The following TRIO variants were observed in gnomAD, a reference collection of about 807,000 sequenced individuals.
TRIO encodes triple functional domain protein.
A neutral mutation model predicts 351.9 loss-of-function variants in TRIO; 58 were observed. The observed-to-expected ratio is 0.16, with a 90% CI of 0.13 to 0.21. TRIO has a LOEUF of 0.21. TRIO is among the 10% of genes least tolerant of loss of function. The pLI is 1.00. For synonymous variants in TRIO, 1,758 were observed against 1,595.7 expected, an observed-to-expected ratio of 1.10 and a Z score of -2.42; for missense variants, 3,201 against 4,027.8, an observed-to-expected ratio of 0.79 and a Z score of 5.56.
intron 15 of TRIO, among the ~76,000 whole-genome samples, chr5:14,366,034 T>A (rs1744564565): frequency 6.6e-6 from 1 of 152,188 alleles, no homozygotes; most frequent in South Asian, 2.1e-4. Context: ...AGTGGTTTTA[T>A]TGTTTAAGCC....
At chr5:14,199,210 A>AAAC (rs1181840697) in intron 1 of TRIO, among the ~76,000 whole-genome samples, 1 of 151,028 alleles carries the variant, frequency 6.6e-6, no homozygotes, top group South Asian at 2.1e-4. Context: ...AAAAAAAAAA[A>AAAC]AAAAAAAAAC....
intron 2 of TRIO, among the ~76,000 whole-genome samples, chr5:14,272,735 T>C (rs565891901): frequency 9.2e-5 from 14 of 152,326 alleles, no homozygotes; most frequent in African/African-American, 3.4e-4. Context: ...TTTACAGTAT[T>C]CCTAATTTAT....
rs780213298 is a variant in TRIO, at chr5:14,488,081, T to C, written c.7453T>C (p.Phe2485Leu). Residue 2485 changes from phenylalanine to leucine, a missense_variant, in exon 48 of 57, where the codon TTC becomes CTC. By Grantham distance (22) the Phe-to-Leu change is conservative (BLOSUM62 0). Around this residue, in one of 19 missense-constraint regions of TRIO, gnomAD observed 1,089 missense variants for 954.9 expected, o/e 1.14. Transcript: ENST00000344204. ...PSSPLQKGGS[F>L]WSSIPASPAS... ...CAGCCCCCTGCAGAAGGGGGGCTCC[T>C]TCTGGAGCTCCATCCCCGCCTCCCC... 117 of 1,609,610 alleles carry C rather than the reference T, an allele frequency of 7.3e-5. No individual in the cohort carries two copies. Among genetic ancestry groups the C allele is most frequent in the Middle Eastern group, 3.3e-4 (2 of 5,976 alleles).
intron 11 of TRIO, among the ~76,000 whole-genome samples, chr5:14,355,999 T>A (rs1454673507): frequency 1.3e-5 from 2 of 152,230 alleles, no homozygotes; most frequent in Non-Finnish European, 2.9e-5. Context: ...ATTTGATAAC[T>A]TAGACACAAA....
intron 1 of TRIO, among the ~76,000 whole-genome samples, chr5:14,263,739 A>C (rs1278526769): frequency 6.6e-6 from 1 of 152,186 alleles, no homozygotes; most frequent in East Asian, 1.9e-4. Context: ...CTATATGTGC[A>C]TGTATGTGTG....
At chr5:14,155,065 T>C (rs1305430985) in intron 1 of TRIO, among the ~76,000 whole-genome samples, 1 of 152,184 alleles carries the variant, frequency 6.6e-6, no homozygotes, top group Non-Finnish European at 1.5e-5. Flanking sequence ...TGTGTAGTTT[T>C]TGGTCATTTA....
chr5:14,223,620 G>A (rs913968998), intron 1 of TRIO, among the ~76,000 whole-genome samples: 2 of 152,152 alleles, frequency 1.3e-5, no homozygotes, highest in Admixed American at 6.5e-5. Flanking sequence ...TGTGTAGGTG[G>A]GAAGCCACAT....
At chr5:14,334,741 T>C (rs1009385606) in intron 10 of TRIO, among the ~76,000 whole-genome samples, 1 of 152,214 alleles carries the variant, frequency 6.6e-6, no homozygotes, top group Non-Finnish European at 1.5e-5. Context: ...GAGGTGACGC[T>C]CAGCTGGGGG....
chr5:14,483,145 C>T (rs1467654379), intron 46 of TRIO, among the ~76,000 whole-genome samples: 2 of 152,210 alleles, frequency 1.3e-5, no homozygotes, highest in East Asian at 1.9e-4. Flanking sequence ...TTCTCTTCCT[C>T]CACTCACCAA....
chr5:14,333,806 C>T (rs890919699), intron 10 of TRIO, among the ~76,000 whole-genome samples: 1 of 152,134 alleles, frequency 6.6e-6, no homozygotes, highest in South Asian at 2.1e-4. Flanking sequence ...ACCAGTTAGG[C>T]CCCCACCCTG....
intron 1 of TRIO, among the ~76,000 whole-genome samples, chr5:14,174,942 T>C (rs1442454928): frequency 6.6e-6 from 1 of 152,230 alleles, no homozygotes; most frequent in African/African-American, 2.4e-5. Context: ...CTCAAAATGT[T>C]GTTCATGCTC....
At chr5:14,450,015 T>C (rs1221663352) in intron 34 of TRIO, among the ~76,000 whole-genome samples, 1 of 152,242 alleles carries the variant, frequency 6.6e-6, no homozygotes, top group Admixed American at 6.5e-5. Context: ...AAAATGATGC[T>C]CAAAGTCTTG....
chr5:14,458,847 C>G (rs1753562049), intron 34 of TRIO, among the ~76,000 whole-genome samples: 1 of 152,116 alleles, frequency 6.6e-6, no homozygotes, highest in African/African-American at 2.4e-5. Context: ...TGAGAAAGTC[C>G]CTGGGAATGG....
At chr5:14,355,014 G>A (rs1053854367) in intron 11 of TRIO, among the ~76,000 whole-genome samples, 14 of 152,186 alleles carry the variant, frequency 9.2e-5, no homozygotes, top group African/African-American at 3.1e-4. Context: ...TTTTTCATCA[G>A]CGTCCAACTG....
At chr5:14,477,093 G>A in intron 41 of TRIO, 130 bp downstream of exon 41, 1 of 752,174 alleles carries the variant, frequency 1.3e-6, no homozygotes, top group South Asian at 2.0e-5. Flanking sequence ...CAAACTGCAT[G>A]GTGTTAATGA....
At chr5:14,285,430 C>T (rs908792928) in intron 3 of TRIO, among the ~76,000 whole-genome samples, 1 of 151,752 alleles carries the variant, frequency 6.6e-6, no homozygotes, top group African/African-American at 2.4e-5. Flanking sequence ...CACCCTCTTA[C>T]TGATGTAGAT....
At chr5:14,367,575 C>G (rs778505258) in intron 16 of TRIO, among the ~76,000 whole-genome samples, 5 of 152,142 alleles carry the variant, frequency 3.3e-5, no homozygotes, top group Non-Finnish European at 7.3e-5. Flanking sequence ...AGGCCTGATC[C>G]AATTAACTGT....
intron 55 of TRIO, 117 bp from the exon 56 acceptor site, chr5:14,507,005 A>G: frequency 7.3e-7 from 1 of 1,370,114 alleles, no homozygotes; most frequent in Middle Eastern, 2.2e-4. Context: ...CACGGCCCTG[A>G]GATCCCGATG....
intron 53 of TRIO, among the ~76,000 whole-genome samples, chr5:14,501,905 G>A (rs934979226): frequency 1.3e-5 from 2 of 152,220 alleles, no homozygotes; most frequent in African/African-American, 4.8e-5. Flanking sequence ...GCAGGACCAC[G>A]TGGGGCTCCC....
Sources: gnomAD v4.1 joint callset for allele counts (sites outside exome capture counted in the v4.1 genomes callset) on GRCh38, gnomAD v4.1.1 for gene constraint, gnomAD v4.1.1 regional missense constraint, MANE v1.5 for transcripts, NCBI Gene and HGNC (gene_info 2026-07-23, HGNC 2026-07-21) for gene names.